The following DMD variants were observed in gnomAD, a reference collection of about 807,000 sequenced individuals.
DMD encodes the protein mutant dystrophin.
In DMD, 63 loss-of-function variants were observed where a neutral mutation model predicts 330.1. The observed-to-expected ratio is 0.19, with a 90% CI of 0.16 to 0.24. The LOEUF is 0.24. Ranked by LOEUF, DMD falls within the 10% of genes least tolerant of loss-of-function variation. The pLI, the probability that DMD is intolerant of heterozygous loss-of-function variation, is 1.00. For synonymous variants in DMD, 1,223 were observed against 959.8 expected (o/e 1.27, Z -5.07); for missense variants, 3,344 against 2,684.1 (o/e 1.25, Z -5.43).
intron 27 of DMD, among the ~76,000 whole-genome samples, chrX:32,447,088 C>T (rs190031090): frequency 9.0e-6 from 1 of 110,549 alleles, no homozygotes; most frequent in African/African-American, 3.3e-5. Flanking sequence ...AACAATGATG[C>T]TTATTTAAGG....
At chrX:31,131,170 A>G (rs2034437943) in intron 77 of DMD, among the ~76,000 whole-genome samples, 1 of 112,166 alleles carries the variant, frequency 8.9e-6, no homozygotes, top group African/African-American at 3.2e-5. Context: ...CTTCCACGGC[A>G]AAAATCTCAA....
chrX:32,010,403 T>G (rs982152119), intron 44 of DMD, among the ~76,000 whole-genome samples: 7 of 111,483 alleles, frequency 6.3e-5, no homozygotes, highest in Non-Finnish European at 1.3e-4. Flanking sequence ...GCAACAAAAT[T>G]TGCCAAATGC....
chrX:31,906,350 A>T (rs2094479058), intron 47 of DMD, among the ~76,000 whole-genome samples: 1 of 112,055 alleles, frequency 8.9e-6, no homozygotes, highest in Admixed American at 9.5e-5. Flanking sequence ...GATATATTTC[A>T]TTCCATACAA....
chrX:31,342,818 C>A (rs2057847674), intron 61 of DMD, among the ~76,000 whole-genome samples: 1 of 111,828 alleles, frequency 8.9e-6, no homozygotes, highest in African/African-American at 3.2e-5. Context: ...TCTCTATCAC[C>A]CAGGCTGGAC....
chrX:32,727,891 T>C (rs1250313358), intron 7 of DMD, among the ~76,000 whole-genome samples: 1 of 111,765 alleles, frequency 8.9e-6, no homozygotes, highest in East Asian at 2.8e-4. Context: ...ATACTTTTGT[T>C]TTTAATTTAA....
intron 43 of DMD, among the ~76,000 whole-genome samples, chrX:32,246,800 G>T (rs985993590): frequency 2.4e-4 from 26 of 110,189 alleles, no homozygotes; most frequent in Non-Finnish European, 4.2e-4. Flanking sequence ...CTGTGGGATC[G>T]GTGGTGATAT....
At chrX:32,031,246 T>TCTAA (rs951004986) in intron 44 of DMD, among the ~76,000 whole-genome samples, 1 of 111,384 alleles carries the variant, frequency 9.0e-6, no homozygotes. Flanking sequence ...AGGCTGCAGC[T>TCTAA]CTAACTATCA....
chrX:32,988,396 G>A (rs183083385), intron 2 of DMD, among the ~76,000 whole-genome samples: 4 of 111,229 alleles, frequency 3.6e-5, no homozygotes. Context: ...TAGACTCTGA[G>A]GACTTTCTTT....
chrX:31,338,943 C>CAAAAA (rs151110457), intron 61 of DMD, among the ~76,000 whole-genome samples: 4 of 64,161 alleles, frequency 6.2e-5, no homozygotes, highest in Non-Finnish European at 1.2e-4. Flanking sequence ...CATCTATGCA[C>CAAAAA]AAAAAAAAAA....
At chrX:32,656,298 A>G (rs2147017729) in intron 9 of DMD, among the ~76,000 whole-genome samples, 1 of 111,945 alleles carries the variant, frequency 8.9e-6, no homozygotes, top group East Asian at 2.8e-4. Context: ...CGTGACTACG[A>G]AGACAGCGTC....
chrX:32,741,777 G>A (rs1303037599), intron 7 of DMD, among the ~76,000 whole-genome samples: 1 of 111,676 alleles, frequency 9.0e-6, no homozygotes, highest in Non-Finnish European at 1.9e-5. Context: ...AAAACATTGA[G>A]TTGTATACTT....
chrX:32,552,269 G>C (rs2049652540), intron 16 of DMD, among the ~76,000 whole-genome samples: 1 of 111,491 alleles, frequency 9.0e-6, no homozygotes, highest in African/African-American at 3.3e-5. Flanking sequence ...ACAAAAAACA[G>C]ACACATAAAC....
At chrX:33,151,170 C>A (rs982315730) in intron 1 of DMD, among the ~76,000 whole-genome samples, 5 of 112,118 alleles carry the variant, frequency 4.5e-5, no homozygotes, top group Admixed American at 9.5e-5. Context: ...ATGAGTACAG[C>A]GTTTGATTTT....
At chrX:32,401,835 T>A (rs917870112) in intron 30 of DMD, among the ~76,000 whole-genome samples, 8 of 112,543 alleles carry the variant, frequency 7.1e-5, no homozygotes, top group African/African-American at 1.3e-4. Context: ...CGTTTATACA[T>A]CTACTACGTG....
chrX:32,871,468 G>C (rs996792072), intron 2 of DMD, among the ~76,000 whole-genome samples: 1 of 110,867 alleles, frequency 9.0e-6, no homozygotes. Flanking sequence ...TTCCTCAAGC[G>C]TGCTACTATA....
At chrX:31,718,962 C>T (rs959985563) in intron 52 of DMD, among the ~76,000 whole-genome samples, 1 of 111,625 alleles carries the variant, frequency 9.0e-6, no homozygotes, top group African/African-American at 3.3e-5. Context: ...GTCCCACTGT[C>T]ACTAAGGGGG....
intron 47 of DMD, among the ~76,000 whole-genome samples, chrX:31,875,879 T>A (rs967936115): frequency 8.9e-6 from 1 of 112,454 alleles, no homozygotes; most frequent in Non-Finnish European, 1.9e-5. Flanking sequence ...CCAAACCAAC[T>A]ATAATTTTGT....
intron 1 of DMD, among the ~76,000 whole-genome samples, chrX:33,050,421 A>T (rs2765390): frequency 0.48 from 52,551 of 108,631 alleles, 9,883 homozygotes; most frequent in Non-Finnish European, 0.58. Flanking sequence ...GATTTTTTTT[A>T]AAAAAAGAAG....
chrX:31,246,147 T>G lies in DMD; in HGVS notation c.9286+14808A>C, dbSNP rs139229611. 6.6e-3 allele frequency among the ~76,000 whole-genome samples: 741 copies of G among 112,352 alleles called. 7 individuals are homozygous for G. The highest frequency in any genetic ancestry group is 0.023 in the African/African-American group (701 of 30,979). ...CCTTATTCCTGATATGGAGAAAGTT[T>G]GAGTGCTCTGAATAGAAGATCAAAC... On this transcript the variant is annotated intron_variant, in intron 63 of 78. Transcript: ENST00000357033.
Sources: allele counts gnomAD v4.1 joint callset (sites outside exome capture counted in the v4.1 genomes callset), GRCh38; gene constraint gnomAD v4.1.1; transcripts MANE v1.5; gene names NCBI Gene and HGNC (gene_info 2026-07-23, HGNC 2026-07-21).